The following POLDIP3 variants were observed in gnomAD, a reference collection of about 807,000 sequenced individuals.
POLDIP3 encodes polymerase delta-interacting protein 3.
POLDIP3 carries 14 observed loss-of-function variants against 45.1 expected under a neutral mutation model. That is an observed-to-expected ratio of 0.31 (90% CI 0.20 to 0.49). The LOEUF (loss-of-function observed/expected upper bound fraction) is 0.49, where lower values mean the gene tolerates loss of function less well. Ranked by LOEUF, POLDIP3 falls within the 20% of genes least tolerant of loss-of-function variation. POLDIP3 has a pLI of 0.99. For synonymous variants in POLDIP3, 223 were observed against 205.2 expected, an observed-to-expected ratio of 1.09 and a Z score of -0.74; for missense variants, 511 against 538.8, an observed-to-expected ratio of 0.95 and a Z score of 0.51.
At chr22:42,590,386 G>A (rs1925588323) in intron 7 of POLDIP3, among the ~76,000 whole-genome samples, 2 of 152,064 alleles carry the variant, frequency 1.3e-5, no homozygotes, top group Middle Eastern at 3.4e-3. Context: ...GTCTTGCCAC[G>A]TTGCACAGGT....
intron 6 of POLDIP3, 80 bp from the exon 7 acceptor site, chr22:42,592,164 G>A (rs1366509801): frequency 6.3e-7 from 1 of 1,581,742 alleles, no homozygotes. Flanking sequence ...GCCCTGGGGT[G>A]TGGTGGTTCC....
chr22:42,585,811 C>T lies in POLDIP3; in HGVS notation c.1246G>A (p.Glu416Lys), dbSNP rs1362786072. Residue 416 changes from glutamate to lysine, a missense_variant, in exon 9 of 9, where the codon GAA becomes AAA. Physicochemically the swap from Glu to Lys is moderately conservative, Grantham distance 56. Around this residue, in one of 4 missense-constraint regions of POLDIP3, gnomAD observed 22 missense variants for 34.1 expected, o/e 0.64. Transcript: ENST00000252115. ...SGASVTTQPT[E>K]FKIKL ...CCTGCTCAAAGCTTGATTTTGAATT[C>T]TGTGGGCTGCGTGGTCACAGAGGCC... 1 of 1,612,172 alleles carries T rather than the reference C, an allele frequency of 6.2e-7. No individual in the cohort carries two copies. Among genetic ancestry groups the T allele is most frequent in the Non-Finnish European group, 8.5e-7 (1 of 1,179,826 alleles).
At chr22:42,614,400 T>A (rs1927330359) in intron 1 of POLDIP3, among the ~76,000 whole-genome samples, 1 of 152,186 alleles carries the variant, frequency 6.6e-6, no homozygotes, top group African/African-American at 2.4e-5. Flanking sequence ...TAAACTTCGG[T>A]TGTCTCAACT....
rs368775163 is a variant in POLDIP3, at chr22:42,602,104, T to C, written c.451-48A>G. ...ATCCACCCCACAGGGTCCACATGCA[T>C]TCTCTAGAAGAAGGGGGTTACTGAA... On this transcript the variant is annotated intron_variant, in intron 2 of 8. Coordinates refer to ENST00000252115, the MANE Select transcript of POLDIP3 (RefSeq NM_032311.5). The C allele has an allele frequency of 9.5e-5, 154 of 1,613,064 alleles. No individual in the cohort carries two copies. In the African/African-American group the frequency reaches 1.9e-3, roughly 20 times the overall value.
intron 1 of POLDIP3, among the ~76,000 whole-genome samples, chr22:42,614,146 T>C (rs1469803058): frequency 6.6e-6 from 1 of 152,200 alleles, no homozygotes; most frequent in African/African-American, 2.4e-5. Flanking sequence ...CAGTTCTCCG[T>C]GGCCTCGGGC....
In POLDIP3 at chr22:42,602,734, G is replaced by A. The variant is rs190521549; in HGVS notation, c.450+36C>T. On this transcript the variant is annotated intron_variant, in intron 2 of 8. Transcript: ENST00000252115. ...GCCTCTAAATCTACCTTTGTTACTA[G>A]CTTTCTGGGAATTCATGACAAAAGC... The A allele has an allele frequency of 8.7e-3, 13,492 of 1,555,712 alleles. 81 individuals are homozygous for A. Among genetic ancestry groups the A allele is most frequent in the Middle Eastern group, 0.036 (201 of 5,532 alleles).
rs1926482806 is a variant in POLDIP3, at chr22:42,602,842, A to C, written c.378T>G (p.Ser126Arg). The C allele has an allele frequency of 1.2e-6, 2 of 1,612,566 alleles. No homozygotes were observed. Among genetic ancestry groups the C allele is most frequent in the Non-Finnish European group, 1.7e-6 (2 of 1,179,982 alleles). Residue 126 changes from serine to arginine, a missense_variant, in exon 2 of 9, where the codon AGT becomes AGG. Around this residue, in one of 4 missense-constraint regions of POLDIP3, gnomAD observed 378 missense variants for 352.3 expected, o/e 1.07. Coordinates refer to ENST00000252115, the MANE Select transcript of POLDIP3 (RefSeq NM_032311.5). ...DAREKISLKRSSPAAFINPPI... is the reference protein window; with the variant it reads ...DAREKISLKRRSPAAFINPPI... Reference sequence around the variant, plus strand: ...GTGGGTTTATGAAGGCAGCAGGGGAACTCCTCTTCAAGCTGATCTTCTCCC... The same window carrying C: ...GTGGGTTTATGAAGGCAGCAGGGGACCTCCTCTTCAAGCTGATCTTCTCCC...
intron 6 of POLDIP3, 38 bp downstream of exon 6, chr22:42,595,499 G>A (rs748870080): frequency 9.5e-6 from 15 of 1,587,198 alleles, no homozygotes; most frequent in Non-Finnish European, 1.3e-5. Context: ...CACAGAGGCA[G>A]TTTGAGATTT....
intron 8 of POLDIP3, 115 bp downstream of exon 8, chr22:42,587,391 C>G (rs1298050530): frequency 9.0e-7 from 1 of 1,111,622 alleles, no homozygotes; most frequent in Non-Finnish European, 1.3e-6. Context: ...GCCATTAGAA[C>G]AGAGGAAACG....
At position 42,585,657 on chromosome 22, in the gene POLDIP3, G is replaced by GA. The variant is rs1310332695; in HGVS notation, c.*133dup. The GA allele has an allele frequency of 1.1e-5, 11 of 1,041,728 alleles. No homozygotes were observed. The African/African-American group carries it at 1.8e-4, about 17-fold the overall frequency. The allele number at this position is 1,041,728 out of a possible 1,614,324, so 64.5% of individuals were successfully genotyped here. The stretch of plus-strand genomic sequence containing the variant: ...AGAAAGGCGGGTCCCATCCAGTGAG[G>GA]AAGCTCTTTATCCCTGGCAACCCTT... On this transcript the variant is annotated 3_prime_UTR_variant, in exon 9 of 9. Coordinates refer to ENST00000252115, the MANE Select transcript of POLDIP3 (RefSeq NM_032311.5).
intron 1 of POLDIP3, among the ~76,000 whole-genome samples, chr22:42,608,449 A>G (rs578201992): frequency 1.3e-5 from 2 of 152,112 alleles, no homozygotes; most frequent in African/African-American, 4.8e-5. Flanking sequence ...CAAAACAAAA[A>G]AAAACCACCA....
chr22:42,609,956 TG>T (rs1927019517), intron 1 of POLDIP3, among the ~76,000 whole-genome samples: 1 of 152,112 alleles, frequency 6.6e-6, no homozygotes, highest in South Asian at 2.1e-4. Context: ...GCGGATCACT[TG>T]AGGTCAGGAG....
At chr22:42,599,415 C>T (rs1203604788) in intron 4 of POLDIP3, among the ~76,000 whole-genome samples, 1 of 152,168 alleles carries the variant, frequency 6.6e-6, no homozygotes, top group Non-Finnish European at 1.5e-5. Flanking sequence ...ACCAGCCTGG[C>T]CAACATGGTG....
chr22:42,592,188 G>A, intron 6 of POLDIP3, 104 bp from the exon 7 acceptor site: 1 of 1,524,576 alleles, frequency 6.6e-7, no homozygotes, highest in Non-Finnish European at 8.9e-7. Context: ...GCAGCTAAAT[G>A]CGCCCTGCGC....
chr22:42,605,461 T>C (rs906119327), intron 1 of POLDIP3, among the ~76,000 whole-genome samples: 3 of 152,234 alleles, frequency 2.0e-5, no homozygotes, highest in Non-Finnish European at 4.4e-5. Flanking sequence ...GCTTAGGGTA[T>C]TTTCTTATAG....
chr22:42,593,804 C>T (rs998236859), intron 6 of POLDIP3, among the ~76,000 whole-genome samples: 4 of 152,058 alleles, frequency 2.6e-5, no homozygotes, highest in East Asian at 3.9e-4. Flanking sequence ...CAGGCGTGAG[C>T]CACTGCACCC....
rs767718682 is a variant in POLDIP3, at chr22:42,603,153, C to T, written c.67G>A (p.Ala23Thr). 4 of 1,613,258 alleles carry T rather than the reference C, an allele frequency of 2.5e-6. No individual in the cohort carries two copies. The highest frequency in any genetic ancestry group is 3.4e-6 in the Non-Finnish European group (4 of 1,179,436). The change falls in exon 2 of 9, where the codon GCC becomes ACC. Residue 23 changes from alanine (A) to threonine (T), a missense_variant. Around this residue, in one of 4 missense-constraint regions of POLDIP3, gnomAD observed 378 missense variants for 352.3 expected, o/e 1.07. Coordinates refer to ENST00000252115, the MANE Select transcript of POLDIP3 (RefSeq NM_032311.5). ...CGGACACCTCCAACTCCCGGTCTGGCATTAAGCCTGTAAATATAAATTGCA... is the reference window on the plus strand; with the variant it reads ...CGGACACCTCCAACTCCCGGTCTGGTATTAAGCCTGTAAATATAAATTGCA... ...RGAAAKGRLN[A>T]RPGVGGVRSR...
chr22:42,605,949 C>G (rs1926696710), intron 1 of POLDIP3, among the ~76,000 whole-genome samples: 1 of 152,098 alleles, frequency 6.6e-6, no homozygotes, highest in Non-Finnish European at 1.5e-5. Flanking sequence ...CAAGACCTGC[C>G]TGGCCAACAT....
At chr22:42,613,195 T>C (rs989943616) in intron 1 of POLDIP3, among the ~76,000 whole-genome samples, 33 of 152,170 alleles carry the variant, frequency 2.2e-4, no homozygotes, top group African/African-American at 7.5e-4. Context: ...AAAACGTGGA[T>C]GGACTTAGAA....
Sources: allele counts gnomAD v4.1 joint callset (sites outside exome capture counted in the v4.1 genomes callset), GRCh38; gene constraint gnomAD v4.1.1; regional missense constraint gnomAD v4.1.1; transcripts MANE v1.5; gene names NCBI Gene and HGNC (gene_info 2026-07-23, HGNC 2026-07-21).